Variants in CCNH observed in about 807,000 individuals in gnomAD.
CCNH encodes the protein cyclin-H.
In CCNH, 31 loss-of-function variants were observed where a neutral mutation model predicts 41.9. The ratio of observed to expected loss-of-function variants is 0.74; its 90% confidence interval spans 0.56 to 1.00. CCNH has a LOEUF of 1.00. Among genes scored for constraint, CCNH ranks in the 50% least tolerant of loss-of-function variants. The pLI is 0.00. For synonymous variants in CCNH, 138 were observed against 136.1 expected (o/e 1.01, Z -0.10); for missense variants, 362 against 388.4 (o/e 0.93, Z 0.57).
chr5:87,412,804 G>T lies in CCNH; in HGVS notation c.-10C>A, dbSNP rs749211504. 4.3e-6 allele frequency: 7 copies of T among 1,613,764 alleles called. No individual in the cohort carries two copies. Among genetic ancestry groups the T allele is most frequent in the Non-Finnish European group, 5.9e-6 (7 of 1,179,760 alleles). On this transcript the variant is annotated 5_prime_UTR_variant, in exon 1 of 9. Transcript: ENST00000256897. ...TACTGTTGTGGTACATTATGGAATC[G>T]TGACCAGGTCCAGAGGGTCTGCAGA... is the stretch of plus-strand genomic sequence containing the variant.
chr5:87,314,724 AATG>A (rs879315743), downstream of CCNH, among the ~76,000 whole-genome samples: 2 of 152,234 alleles, frequency 1.3e-5, no homozygotes, highest in Non-Finnish European at 1.5e-5. Context: ...CTGTGGGACG[AATG>A]ATGATGGTCA....
At position 87,404,962 on chromosome 5, in the gene CCNH, C is replaced by A. The variant is rs1321887445; in HGVS notation, c.571G>T (p.Ala191Ser). 1 of 1,613,312 alleles carries A rather than the reference C, an allele frequency of 6.2e-7. No homozygotes were observed. Among genetic ancestry groups the A allele is most frequent in the Non-Finnish European group, 8.5e-7 (1 of 1,179,510 alleles). The change falls in exon 5 of 9, where the codon GCT (alanine) becomes TCT (serine). Residue 191 changes from alanine to serine, a missense_variant. By Grantham distance (99) the Ala-to-Ser change is moderately conservative (BLOSUM62 1). Transcript: ENST00000256897. ...GCAATTCTATTAAGAAAGTCATCAG[C>A]TGTTTTCCTCAAAATCTCTGGATTC... ...LENPEILRKT[A>S]DDFLNRIALT...
chr5:87,362,772 T>C, intron 9 of CCNH: 2 of 1,336,052 alleles, frequency 1.5e-6, no homozygotes, highest in Non-Finnish European at 2.1e-6. Context: ...TGACATGAGT[T>C]ATTAGTAATT....
chr5:87,409,594 G>A (rs1764068743), intron 2 of CCNH, among the ~76,000 whole-genome samples: 2 of 151,216 alleles, frequency 1.3e-5, no homozygotes, highest in Admixed American at 1.3e-4. Flanking sequence ...GCCTACTCTG[G>A]CTAATCCTTC....
rs908141453 is a variant in CCNH, at chr5:87,404,993, T to A, written c.540A>T (p.Ile180=). The A allele has an allele frequency of 1.2e-6, 2 of 1,612,640 alleles. No individual in the cohort carries two copies. The highest frequency in any genetic ancestry group is 1.7e-5 in the Admixed American group (1 of 59,794). Residue 180 remains isoleucine, a synonymous_variant, in exon 5 of 9, where the codon ATA becomes ATT. Coordinates refer to ENST00000256897, the MANE Select transcript of CCNH (RefSeq NM_001239.4). ...TCCTCAAAATCTCTGGATTCTCCAA[T>A]ATGGGATAGCGGGTCTACAAAGAAA... ...FLIDLKTRYP[I]LENPEILRKT... is the part of the protein sequence containing the mutation.
At chr5:87,343,411 A>G (rs1758621419) in intron 9 of CCNH, among the ~76,000 whole-genome samples, 2 of 152,138 alleles carry the variant, frequency 1.3e-5, no homozygotes, top group Admixed American at 1.3e-4. Context: ...AGCTGGAATA[A>G]TCTACCTAGA....
intron 9 of CCNH, chr5:87,333,301 T>C: frequency 6.2e-7 from 1 of 1,613,362 alleles, no homozygotes. Context: ...CGAGCTATTC[T>C]ACCTTACACA....
intron 9 of CCNH, among the ~76,000 whole-genome samples, chr5:87,349,753 T>C (rs557937676): frequency 2.0e-5 from 3 of 152,058 alleles, no homozygotes; most frequent in East Asian, 3.9e-4. Context: ...CTGAGACTTA[T>C]TATACAGATG....
intron 9 of CCNH, among the ~76,000 whole-genome samples, chr5:87,368,930 G>T (rs1478403487): frequency 1.3e-5 from 2 of 152,134 alleles, no homozygotes; most frequent in Non-Finnish European, 2.9e-5. Context: ...CAACTAGGGT[G>T]GTTAGTCTGA....
intron 9 of CCNH, chr5:87,346,649 ATCTAATTTATTC>A: frequency 1.4e-6 from 2 of 1,457,842 alleles, no homozygotes; most frequent in South Asian, 2.3e-5. Flanking sequence ...TTATTTATAT[ATCTAATTTATTC>A]TCTTTTTAAG....
downstream of CCNH, among the ~76,000 whole-genome samples, chr5:87,388,389 T>C (rs1762216572): frequency 6.6e-6 from 1 of 152,172 alleles, no homozygotes; most frequent in South Asian, 2.1e-4. Context: ...GTGTCGATAA[T>C]AAAGTACAGG....
At chr5:87,370,059 T>G (rs184349309) in intron 9 of CCNH, among the ~76,000 whole-genome samples, 99 of 152,248 alleles carry the variant, frequency 6.5e-4, no homozygotes, top group African/African-American at 2.3e-3. Context: ...TGTAAAAAGT[T>G]TTCTGAAAGA....
At chr5:87,377,012 A>T in exon 1 of CCNH, 1 of 1,613,882 alleles carries the variant, frequency 6.2e-7, no homozygotes, top group Non-Finnish European at 8.5e-7. Flanking sequence ...TGTTATGCAC[A>T]CTAAATGACA....
At chr5:87,381,764 T>A (rs1761732016), upstream of CCNH, among the ~76,000 whole-genome samples, 1 of 152,176 alleles carries the variant, frequency 6.6e-6, no homozygotes, top group South Asian at 2.1e-4. Flanking sequence ...AATTTGTAAG[T>A]TTCAAACAAG....
At chr5:87,393,113 A>C (rs1762639323), downstream of CCNH, among the ~76,000 whole-genome samples, 1 of 151,776 alleles carries the variant, frequency 6.6e-6, no homozygotes, top group Non-Finnish European at 1.5e-5. Context: ...CTACAGTGTA[A>C]AGAATTATTG....
At chr5:87,380,662 A>C, upstream of CCNH, 1 of 1,340,304 alleles carries the variant, frequency 7.5e-7, no homozygotes, top group Non-Finnish European at 1.1e-6. Context: ...AAATTGAGGA[A>C]TAACAATATA....
chr5:87,365,371 T>G (rs1760432360), intron 9 of CCNH, among the ~76,000 whole-genome samples: 1 of 152,186 alleles, frequency 6.6e-6, no homozygotes, highest in Non-Finnish European at 1.5e-5. Context: ...CTCTTTATAG[T>G]GGCTATACCT....
intron 9 of CCNH, among the ~76,000 whole-genome samples, chr5:87,344,701 T>G (rs935006751): frequency 6.4e-4 from 92 of 144,394 alleles, no homozygotes; most frequent in African/African-American, 2.4e-3. Flanking sequence ...TTTTTTTTTG[T>G]AAAGATGAGG....
downstream of CCNH, among the ~76,000 whole-genome samples, chr5:87,316,998 T>C (rs900387274): frequency 2.0e-5 from 3 of 152,080 alleles, no homozygotes; most frequent in African/African-American, 4.8e-5. Flanking sequence ...TTCTCATGCC[T>C]CAGACTCCCG....
Sources: gnomAD v4.1 joint callset for allele counts (sites outside exome capture counted in the v4.1 genomes callset) on GRCh38, gnomAD v4.1.1 for gene constraint, MANE v1.5 for transcripts, NCBI Gene and HGNC (gene_info 2026-07-23, HGNC 2026-07-21) for gene names.